The following DDX10 variants were observed in gnomAD, a reference collection of about 807,000 sequenced individuals.
DDX10 encodes DEAD-box helicase 10.
Under a neutral mutation model 104.3 loss-of-function variants are expected in DDX10, and 74 were observed. That is an observed-to-expected ratio of 0.71 (90% CI 0.59 to 0.86). DDX10 has a LOEUF of 0.86. DDX10 is among the 40% of genes least tolerant of loss of function. The pLI, the probability that DDX10 is intolerant of heterozygous loss-of-function variation, is 0.00. For missense variants in DDX10, 952 were observed against 1,040.0 expected (o/e 0.92, Z 1.16); for synonymous variants, 351 against 353.4 (o/e 0.99, Z 0.08).
chr11:108,714,352 CCT>C (rs2094288573), intron 10 of DDX10, among the ~76,000 whole-genome samples: 1 of 150,238 alleles, frequency 6.7e-6, no homozygotes, highest in Non-Finnish European at 1.5e-5. Flanking sequence ...CCTGTACTCA[CCT>C]CTCTCTTTCC....
At chr11:108,884,860 C>G (rs1419415596) in intron 16 of DDX10, among the ~76,000 whole-genome samples, 3 of 152,152 alleles carry the variant, frequency 2.0e-5, no homozygotes, top group Non-Finnish European at 4.4e-5. Flanking sequence ...TGGAGCCCCA[C>G]CTTTCTTTTG....
At chr11:108,770,400 C>CT (rs1011687554) in intron 13 of DDX10, among the ~76,000 whole-genome samples, 60 of 151,056 alleles carry the variant, frequency 4.0e-4, no homozygotes, top group African/African-American at 1.2e-3. Flanking sequence ...TTTCTAACCA[C>CT]TTTTTTTTTG....
At chr11:108,753,548 A>G (rs1336304680) in intron 13 of DDX10, among the ~76,000 whole-genome samples, 1 of 152,032 alleles carries the variant, frequency 6.6e-6, no homozygotes, top group Non-Finnish European at 1.5e-5. Context: ...TCGTGTTTTC[A>G]TGGGTTACAC....
At chr11:108,901,667 A>G (rs1863518113) in intron 16 of DDX10, among the ~76,000 whole-genome samples, 1 of 152,204 alleles carries the variant, frequency 6.6e-6, no homozygotes, top group Non-Finnish European at 1.5e-5. Context: ...TTACTTGCTA[A>G]TAAGCAACTT....
chr11:108,716,859 T>C lies in DDX10; in HGVS notation c.1410+893T>C, dbSNP rs372238243. Among the ~76,000 whole-genome samples the C allele has an allele frequency of 2.7e-3, 406 of 152,354 alleles. 1 individual carries two copies. Among genetic ancestry groups the C allele is most frequent in the African/African-American group, 9.3e-3 (388 of 41,588 alleles). Reference sequence around the variant, plus strand: ...AAATATACATTGTGTAATTGCTAAATGAAGCTAACTAGCATAGGTATTACC... The same window carrying C: ...AAATATACATTGTGTAATTGCTAAACGAAGCTAACTAGCATAGGTATTACC... On this transcript the variant is annotated intron_variant, in intron 11 of 17. Coordinates refer to ENST00000322536, the MANE Select transcript of DDX10 (RefSeq NM_004398.4).
intron 15 of DDX10, among the ~76,000 whole-genome samples, chr11:108,847,534 C>G (rs916853148): frequency 6.6e-6 from 1 of 152,164 alleles, no homozygotes; most frequent in African/African-American, 2.4e-5. Flanking sequence ...CAGCATTACT[C>G]TAGGTTCCAT....
intron 10 of DDX10, among the ~76,000 whole-genome samples, chr11:108,712,358 C>T (rs1369580481): frequency 6.6e-6 from 1 of 151,902 alleles, no homozygotes; most frequent in African/African-American, 2.4e-5. Flanking sequence ...TTGTTAGTTG[C>T]CCCTGTTATT....
chr11:108,855,639 T>C (rs1419399827), intron 16 of DDX10, among the ~76,000 whole-genome samples: 1 of 152,110 alleles, frequency 6.6e-6, no homozygotes, highest in Non-Finnish European at 1.5e-5. Context: ...TTTTGTATTT[T>C]TAGTAGAGAC....
intron 16 of DDX10, among the ~76,000 whole-genome samples, chr11:108,887,922 GA>G (rs1211257053): frequency 2.1e-5 from 3 of 141,924 alleles, no homozygotes; most frequent in East Asian, 2.1e-4. Flanking sequence ...CTGAAAAAAA[GA>G]AAAAAAAAGA....
intron 10 of DDX10, among the ~76,000 whole-genome samples, chr11:108,714,760 C>G (rs770609000): frequency 6.6e-6 from 1 of 151,992 alleles, no homozygotes; most frequent in Non-Finnish European, 1.5e-5. Context: ...CTTGTATTGG[C>G]GCTGTTGAAA....
chr11:108,781,389 G>A (rs1371079839), intron 13 of DDX10, among the ~76,000 whole-genome samples: 1 of 151,956 alleles, frequency 6.6e-6, no homozygotes, highest in Non-Finnish European at 1.5e-5. Flanking sequence ...GTGTCTTTTT[G>A]GTATAATGAT....
At chr11:108,934,873 C>A (rs1453696059) in intron 17 of DDX10, among the ~76,000 whole-genome samples, 1 of 152,180 alleles carries the variant, frequency 6.6e-6, no homozygotes, top group African/African-American at 2.4e-5. Flanking sequence ...GGAGCCTGTG[C>A]ACCCACAGAC....
chr11:108,693,655 G>A, intron 9 of DDX10, 55 bp downstream of exon 9: 1 of 1,375,042 alleles, frequency 7.3e-7, no homozygotes, highest in Non-Finnish European at 1.0e-6. Context: ...AACAAAGCAT[G>A]CTTTTCCAAC....
intron 13 of DDX10, among the ~76,000 whole-genome samples, chr11:108,827,987 C>T (rs1862418816): frequency 6.6e-6 from 1 of 152,138 alleles, no homozygotes; most frequent in South Asian, 2.1e-4. Context: ...GTGTTAAGTG[C>T]ATTCACATTG....
intron 13 of DDX10, among the ~76,000 whole-genome samples, chr11:108,805,865 T>A (rs1170109227): frequency 6.6e-6 from 1 of 152,210 alleles, no homozygotes; most frequent in African/African-American, 2.4e-5. Flanking sequence ...GAAGAAAAAC[T>A]TTGATACTCA....
At chr11:108,675,538 C>T (rs1164658526) in intron 2 of DDX10, 58 bp from the exon 3 acceptor site, 11 of 1,578,654 alleles carry the variant, frequency 7.0e-6, no homozygotes, top group Admixed American at 1.8e-5. Context: ...CTCACTTAGC[C>T]TATAATACCA....
chr11:108,862,420 T>G (rs752048717), intron 16 of DDX10, among the ~76,000 whole-genome samples: 112 of 152,234 alleles, frequency 7.4e-4, no homozygotes, highest in Non-Finnish European at 1.3e-3. Context: ...TAAAAGATAT[T>G]ATGGATAACT....
chr11:108,811,382 T>C (rs1862177680), intron 13 of DDX10, among the ~76,000 whole-genome samples: 1 of 152,164 alleles, frequency 6.6e-6, no homozygotes, highest in Non-Finnish European at 1.5e-5. Flanking sequence ...ACTAGACTTC[T>C]AAAAGGATCA....
intron 16 of DDX10, among the ~76,000 whole-genome samples, chr11:108,865,843 G>A (rs1863002360): frequency 6.6e-6 from 1 of 152,160 alleles, no homozygotes; most frequent in South Asian, 2.1e-4. Context: ...TCTAGTGGAG[G>A]AAATTTGTAA....
Sources: gnomAD v4.1 joint callset for allele counts (sites outside exome capture counted in the v4.1 genomes callset) on GRCh38, gnomAD v4.1.1 for gene constraint, MANE v1.5 for transcripts, NCBI Gene and HGNC (gene_info 2026-07-23, HGNC 2026-07-21) for gene names.